GSE1: variants seen among roughly 807,000 people sequenced by gnomAD.
The protein encoded by GSE1 is Gse1 coiled-coil protein.
A neutral mutation model predicts 112.6 loss-of-function variants in GSE1; 32 were observed. The observed-to-expected ratio is 0.28, with a 90% CI of 0.21 to 0.38. GSE1 has a LOEUF of 0.38. GSE1 is among the 10% of genes least tolerant of loss of function. The pLI is 1.00. For synonymous variants in GSE1, 1,115 were observed against 735.6 expected (o/e 1.52, Z -8.35); for missense variants, 2,348 against 1,699.2 (o/e 1.38, Z -6.71).
At chr16:85,627,852 A>AG (rs1279677803) in intron 1 of GSE1, among the ~76,000 whole-genome samples, 1 of 152,224 alleles carries the variant, frequency 6.6e-6, no homozygotes, top group African/African-American at 2.4e-5. Flanking sequence ...GTGCTCTCCC[A>AG]GGGCCTCCCT....
At chr16:85,567,766 G>A (rs922592944) in intron 1 of GSE1, among the ~76,000 whole-genome samples, 10 of 152,158 alleles carry the variant, frequency 6.6e-5, no homozygotes, top group African/African-American at 9.7e-5. Context: ...TCTGTTGCTC[G>A]GGCTGGAGTG....
chr16:85,253,943 G>C (rs1906791701), intron 1 of GSE1, among the ~76,000 whole-genome samples: 1 of 152,224 alleles, frequency 6.6e-6, no homozygotes, highest in Non-Finnish European at 1.5e-5. Flanking sequence ...TGTGGGCTCA[G>C]AGGTGGCAAA....
At chr16:85,379,494 A>G (rs530990947) in intron 2 of GSE1, among the ~76,000 whole-genome samples, 2 of 152,284 alleles carry the variant, frequency 1.3e-5, no homozygotes, top group East Asian at 3.9e-4. Flanking sequence ...CCTGGAACAT[A>G]GTAGGTGCTT....
At chr16:85,401,999 G>T (rs2048125192) in intron 2 of GSE1, among the ~76,000 whole-genome samples, 1 of 152,240 alleles carries the variant, frequency 6.6e-6, no homozygotes, top group African/African-American at 2.4e-5. Flanking sequence ...AGGGACAGCA[G>T]CTGCGCTCCA....
At chr16:85,670,092 T>G (rs767815583) in intron 14 of GSE1, among the ~76,000 whole-genome samples, 11 of 152,264 alleles carry the variant, frequency 7.2e-5, no homozygotes, top group Non-Finnish European at 1.3e-4. Context: ...ACAAAACTAT[T>G]ACATCATTTT....
chr16:85,508,104 G>A lies in GSE1; in HGVS notation c.2465-125810G>A, dbSNP rs368512685. On this transcript the variant is annotated intron_variant, in intron 2 of 2. Coordinates refer to the GSE1 transcript ENST00000637419. ...GGCTGGGGTGGAGTGACTCGATCTC[G>A]GCTCACTGCAATGTCCGTCCTCGGG... is the stretch of plus-strand genomic sequence containing the variant. 5.3e-5 allele frequency among the ~76,000 whole-genome samples: 8 copies of A among 152,082 alleles called. No individual in the cohort carries two copies. In the East Asian group the frequency reaches 5.8e-4, roughly 11 times the overall value.
intron 1 of GSE1, among the ~76,000 whole-genome samples, chr16:85,613,859 T>TGG (rs569458973): frequency 2.5e-4 from 12 of 47,718 alleles, no homozygotes; most frequent in East Asian, 1.2e-3. Flanking sequence ...AGCGGGGGTG[T>TGG]GGGGGGGGGG....
At chr16:85,227,927 A>G (rs1242714482) in intron 1 of GSE1, among the ~76,000 whole-genome samples, 2 of 152,186 alleles carry the variant, frequency 1.3e-5, no homozygotes, top group African/African-American at 2.4e-5. Context: ...CAAACCTGAA[A>G]CAGATCAACG....
At chr16:85,286,828 G>C (rs2045043112) in intron 1 of GSE1, among the ~76,000 whole-genome samples, 1 of 152,176 alleles carries the variant, frequency 6.6e-6, no homozygotes, top group East Asian at 1.9e-4. Context: ...TTTCTTCCCT[G>C]TGTAGGGATT....
chr16:85,467,631 C>G (rs1167939825), intron 2 of GSE1, among the ~76,000 whole-genome samples: 1 of 152,200 alleles, frequency 6.6e-6, no homozygotes, highest in Non-Finnish European at 1.5e-5. Context: ...GCTCCCAGAG[C>G]CAGTGTCCCA....
intron 1 of GSE1, among the ~76,000 whole-genome samples, chr16:85,303,788 C>A (rs574076948): frequency 2.7e-4 from 41 of 152,344 alleles, no homozygotes; most frequent in South Asian, 2.1e-3. Context: ...AGTTTCCTCA[C>A]GAGTGAAACG....
intron 2 of GSE1, among the ~76,000 whole-genome samples, chr16:85,454,803 CCTT>C (rs1404168569): frequency 5.3e-5 from 8 of 152,180 alleles, no homozygotes; most frequent in African/African-American, 9.6e-5. Context: ...GTCCACGTCT[CCTT>C]CTCTGTTTCT....
intron 13 of GSE1, 69 bp downstream of exon 13, chr16:85,666,416 A>G (rs2052864940): frequency 1.3e-6 from 2 of 1,511,516 alleles, no homozygotes; most frequent in Non-Finnish European, 1.8e-6. Context: ...GCTGAGCGCC[A>G]CAGCTGCTCA....
chr16:85,667,321 A>G (rs967698830), intron 13 of GSE1, among the ~76,000 whole-genome samples: 2 of 152,200 alleles, frequency 1.3e-5, no homozygotes, highest in Non-Finnish European at 2.9e-5. Flanking sequence ...AAGTCACTCC[A>G]TTGACTGGGC....
chr16:85,648,157 C>CA (rs913113389), intron 2 of GSE1, among the ~76,000 whole-genome samples: 1 of 152,062 alleles, frequency 6.6e-6, no homozygotes, highest in African/African-American at 2.4e-5. Flanking sequence ...TGTTCTCTAA[C>CA]TCTGGGGCTC....
Position 85,535,465 on chromosome 16 carries a change from G to C in GSE1, c.2465-98449G>C, listed in dbSNP as rs529365814. Among the ~76,000 whole-genome samples the C allele has an allele frequency of 3.3e-5, 5 of 152,362 alleles. No homozygotes were observed. The East Asian group carries it at 9.6e-4, about 29-fold the overall frequency. On this transcript the variant is annotated intron_variant, in intron 2 of 2. Transcript: ENST00000637419. ...GGGATTTTACAGACACCCTCAGCCT[G>C]TGTGACCCGGGAGCTTTTCCAGGCC...
intron 2 of GSE1, chr16:85,489,898 G>A (rs1045664246): frequency 2.0e-4 from 31 of 152,276 alleles, no homozygotes; most frequent in African/African-American, 6.8e-4. Context: ...GAAGACAGGC[G>A]AGAGTGTAGC....
intron 1 of GSE1, among the ~76,000 whole-genome samples, chr16:85,578,839 C>G (rs565795252): frequency 6.6e-6 from 1 of 152,074 alleles, no homozygotes; most frequent in Non-Finnish European, 1.5e-5. Flanking sequence ...CCGTGCACCC[C>G]GGTCACTCAC....
In GSE1 at chr16:85,666,058, G is replaced by A. The variant is rs371362732; in HGVS notation, c.2841G>A (p.Ala947=). 3.0e-5 allele frequency: 48 copies of A among 1,613,560 alleles called. 1 individual carries two copies. Among genetic ancestry groups the A allele is most frequent in the South Asian group, 1.3e-4 (12 of 91,088 alleles). ...CCTTGTCTGACATCCCAAAGGCCGC[G>A]GAGCCTGGGAAGCTGGAACAGGTCC... is the stretch of plus-strand genomic sequence containing the variant. The part of the protein sequence containing the change: ...AASLSDIPKA[A]EPGKLEQVRP... The change falls in exon 13 of 16, where the codon GCG becomes GCA. Residue 947 remains alanine (A), a synonymous_variant. Transcript: ENST00000253458.
Sources: gnomAD v4.1 joint callset for allele counts (sites outside exome capture counted in the v4.1 genomes callset) on GRCh38, gnomAD v4.1.1 for gene constraint, MANE v1.5 for transcripts, NCBI Gene and HGNC (gene_info 2026-07-23, HGNC 2026-07-21) for gene names.